NUBPL: variants seen among roughly 807,000 people sequenced by gnomAD.
NUBPL encodes the protein iron-sulfur cluster transfer protein NUBPL.
A neutral mutation model predicts 45.7 loss-of-function variants in NUBPL; 31 were observed. The observed-to-expected ratio is 0.68, with a 90% confidence interval of 0.51 to 0.92. The LOEUF is 0.92. Ranked by LOEUF, NUBPL falls within the 40% of genes least tolerant of loss-of-function variation. The probability of loss-of-function intolerance (pLI) is 0.00; values close to 1 mark genes in which losing one functional copy is unlikely to be tolerated. For synonymous variants in NUBPL, 144 were observed against 140.9 expected, an observed-to-expected ratio of 1.02 and a Z score of -0.15; for missense variants, 401 against 398.7, an observed-to-expected ratio of 1.01 and a Z score of -0.05.
chr14:31,693,349 A>G (rs1414243276), intron 6 of NUBPL, among the ~76,000 whole-genome samples: 1 of 152,214 alleles, frequency 6.6e-6, no homozygotes, highest in African/African-American at 2.4e-5. Flanking sequence ...CCTTCTTTGT[A>G]GTCATTCATA....
At chr14:31,705,202 C>A (rs2037420876) in intron 6 of NUBPL, among the ~76,000 whole-genome samples, 1 of 151,438 alleles carries the variant, frequency 6.6e-6, no homozygotes, top group Non-Finnish European at 1.5e-5. Context: ...CTGGTGGGTT[C>A]ATGGTCTCAC....
rs564011307 is a variant in NUBPL, at chr14:31,859,531, G to A, written c.*351G>A. Reference sequence around the variant, plus strand: ...GGACCACAGAATTAGTAATTTAAATGATATACTAAATTTGTGTATGGGCAT... The same window carrying A: ...GGACCACAGAATTAGTAATTTAAATAATATACTAAATTTGTGTATGGGCAT... On this transcript the variant is annotated 3_prime_UTR_variant, in exon 11 of 11. Coordinates refer to ENST00000281081, the MANE Select transcript of NUBPL (RefSeq NM_025152.3). 1 of 348,220 alleles carries A rather than the reference G, an allele frequency of 2.9e-6. No homozygotes were observed. Among genetic ancestry groups the A allele is most frequent in the East Asian group, 7.2e-5 (1 of 13,814 alleles). 21.6% of individuals were successfully genotyped at this position (348,220 alleles called of 1,614,324 possible). A position where few individuals can be genotyped will look rare whatever the true frequency, so the allele number is the denominator to read the frequency against.
chr14:31,586,945 C>A (rs2034010431), intron 3 of NUBPL, among the ~76,000 whole-genome samples: 1 of 152,170 alleles, frequency 6.6e-6, no homozygotes, highest in African/African-American at 2.4e-5. Context: ...CTATTAATGT[C>A]ACTTACTTGA....
rs148269209 is a variant in NUBPL at position 31,622,019 on chromosome 14, T to C, written c.382+22640T>C. Among the ~76,000 whole-genome samples the C allele has an allele frequency of 5.1e-3, 781 of 152,312 alleles. 1 individual carries two copies. The highest frequency in any genetic ancestry group is 0.017 in the Middle Eastern group (5 of 294). On this transcript the variant is annotated intron_variant, in intron 4 of 10. Transcript: ENST00000281081. Reference sequence around the variant, plus strand: ...TTTGACCAAGATGCTGATAGTGATATGCACAATGAAGTTTAGGCTGAGGTG... The same window carrying C: ...TTTGACCAAGATGCTGATAGTGATACGCACAATGAAGTTTAGGCTGAGGTG...
chr14:31,664,776 C>CT (rs2036364428), intron 4 of NUBPL, among the ~76,000 whole-genome samples: 1 of 152,160 alleles, frequency 6.6e-6, no homozygotes. Context: ...AGGAGTCCCT[C>CT]TTTTCTGTTG....
At chr14:31,711,219 G>T (rs1396945230) in intron 6 of NUBPL, among the ~76,000 whole-genome samples, 2 of 152,034 alleles carry the variant, frequency 1.3e-5, no homozygotes, top group African/African-American at 4.8e-5. Context: ...CCCTTGGCTC[G>T]GCCCAGAAGT....
chr14:31,726,551 C>T lies in NUBPL; in HGVS notation c.513+52977C>T, dbSNP rs182317227. 2.3e-3 allele frequency among the ~76,000 whole-genome samples: 344 copies of T among 152,270 alleles called. 2 individuals are homozygous for T. The highest frequency in any genetic ancestry group is 1.5e-3 in the Non-Finnish European group (104 of 68,030). ...TTGTTTAGTTTGCAGATTTCTTCAA[C>T]CTGAGATTCACTAAAATATAAGCTA... On this transcript the variant is annotated intron_variant, in intron 6 of 10. Coordinates refer to ENST00000281081, the MANE Select transcript of NUBPL (RefSeq NM_025152.3).
At chr14:31,726,609 C>T (rs1016925356) in intron 6 of NUBPL, among the ~76,000 whole-genome samples, 4 of 152,072 alleles carry the variant, frequency 2.6e-5, no homozygotes, top group African/African-American at 9.7e-5. Flanking sequence ...GTCTGGGGGA[C>T]CACAGTATCC....
intron 6 of NUBPL, among the ~76,000 whole-genome samples, chr14:31,712,295 A>C (rs2037591392): frequency 6.6e-6 from 1 of 152,246 alleles, no homozygotes; most frequent in Admixed American, 6.5e-5. Context: ...GTCACCACCC[A>C]ACCCAGAAGC....
chr14:31,697,288 G>T (rs184923705), intron 6 of NUBPL, among the ~76,000 whole-genome samples: 1 of 152,282 alleles, frequency 6.6e-6, no homozygotes, highest in African/African-American at 2.4e-5. Flanking sequence ...AGAGCAAAAG[G>T]AAGCACTATT....
At chr14:31,816,692 C>G (rs1051641565) in intron 7 of NUBPL, among the ~76,000 whole-genome samples, 5 of 152,156 alleles carry the variant, frequency 3.3e-5, no homozygotes, top group African/African-American at 1.2e-4. Flanking sequence ...CCTCTAAACA[C>G]CACTTTAGCT....
At chr14:31,765,816 T>A (rs567227425) in intron 6 of NUBPL, among the ~76,000 whole-genome samples, 1 of 152,348 alleles carries the variant, frequency 6.6e-6, no homozygotes, top group South Asian at 2.1e-4. Context: ...TTGGGCTAAT[T>A]AATTTTGACT....
intron 4 of NUBPL, among the ~76,000 whole-genome samples, chr14:31,634,221 A>C (rs2035423217): frequency 7.1e-6 from 1 of 141,628 alleles, no homozygotes; most frequent in Non-Finnish European, 1.5e-5. Flanking sequence ...TATATCTCCT[A>C]ATGCTATCCC....
At chr14:31,824,630 C>T (rs558430012) in intron 7 of NUBPL, among the ~76,000 whole-genome samples, 2 of 152,148 alleles carry the variant, frequency 1.3e-5, no homozygotes, top group East Asian at 3.9e-4. Context: ...TTTGGCATGC[C>T]CATACTGCCA....
chr14:31,744,023 G>A (rs2038342854), intron 6 of NUBPL, among the ~76,000 whole-genome samples: 1 of 151,806 alleles, frequency 6.6e-6, no homozygotes, highest in East Asian at 1.9e-4. Context: ...GCTGAAGAAA[G>A]TGTTAGTTAT....
chr14:31,750,974 T>C (rs2038513360), intron 6 of NUBPL, among the ~76,000 whole-genome samples: 1 of 152,144 alleles, frequency 6.6e-6, no homozygotes, highest in Non-Finnish European at 1.5e-5. Context: ...CTTCACATGG[T>C]GGCAGGAGAG....
At chr14:31,704,649 A>G (rs2037407691) in intron 6 of NUBPL, among the ~76,000 whole-genome samples, 1 of 151,806 alleles carries the variant, frequency 6.6e-6, no homozygotes, top group Non-Finnish European at 1.5e-5. Flanking sequence ...AGGCAACAAG[A>G]GCAAAACTCC....
At chr14:31,792,185 C>A (rs920415032) in intron 7 of NUBPL, among the ~76,000 whole-genome samples, 1 of 152,126 alleles carries the variant, frequency 6.6e-6, no homozygotes, top group Admixed American at 6.5e-5. Context: ...TAGCCCTAAT[C>A]CATTAAAATT....
At chr14:31,851,523 G>A (rs1261005643) in intron 10 of NUBPL, among the ~76,000 whole-genome samples, 2 of 151,974 alleles carry the variant, frequency 1.3e-5, no homozygotes, top group Non-Finnish European at 2.9e-5. Context: ...TTTTGCTGGC[G>A]ATATGATCTC....
Sources: allele counts gnomAD v4.1 joint callset (sites outside exome capture counted in the v4.1 genomes callset), GRCh38; gene constraint gnomAD v4.1.1; transcripts MANE v1.5; gene names NCBI Gene and HGNC (gene_info 2026-07-23, HGNC 2026-07-21).